OR6B3: variants seen among roughly 807,000 people sequenced by gnomAD.
OR6B3 encodes olfactory receptor 6B3.
For missense variants in OR6B3, 315 were observed against 427.4 expected (o/e 0.74, Z 2.32); for synonymous variants, 148 against 187.8 (o/e 0.79, Z 1.73).
chr2:240,048,969 G>T (rs1698225692), upstream of OR6B3, among the ~76,000 whole-genome samples: 1 of 152,210 alleles, frequency 6.6e-6, no homozygotes, highest in South Asian at 2.1e-4. Flanking sequence ...TCACCAGGGT[G>T]CCCAGAGAGC....
chr2:240,045,044 T>C, downstream of OR6B3: 1 of 1,526,330 alleles, frequency 6.6e-7, no homozygotes, highest in South Asian at 1.3e-5. Flanking sequence ...ATAAATGCGG[T>C]ACTACAATAA....
intron 1 of OR6B3, among the ~76,000 whole-genome samples, chr2:240,046,458 C>T (rs1698190746): frequency 6.6e-6 from 1 of 152,192 alleles, no homozygotes; most frequent in African/African-American, 2.4e-5. Flanking sequence ...GGGATGAGCC[C>T]TGACTGCCCC....
At chr2:240,051,151 C>T (rs7587455), upstream of OR6B3, among the ~76,000 whole-genome samples, 34,258 of 151,988 alleles carry the variant, frequency 0.23, 6,929 homozygotes, top group African/African-American at 0.54. Context: ...GAGCATGCAA[C>T]GCAATTTCAG....
At chr2:240,048,248 A>G (rs1003195819), upstream of OR6B3, among the ~76,000 whole-genome samples, 1 of 152,224 alleles carries the variant, frequency 6.6e-6, no homozygotes, top group African/African-American at 2.4e-5. Context: ...TTTAAACCAC[A>G]GTAGTATACG....
upstream of OR6B3, among the ~76,000 whole-genome samples, chr2:240,048,417 C>A (rs912533763): frequency 6.6e-6 from 1 of 152,096 alleles, no homozygotes; most frequent in African/African-American, 2.4e-5. Context: ...CACTGTCTCT[C>A]CTGGTTGCAC....
At chr2:240,048,699 C>T (rs536658622), upstream of OR6B3, among the ~76,000 whole-genome samples, 16 of 152,178 alleles carry the variant, frequency 1.1e-4, no homozygotes, top group Admixed American at 3.3e-4. Flanking sequence ...CAAACTAACA[C>T]GGTGCAGCAA....
At chr2:240,045,444 G>A (rs1574918368) in exon 2 of OR6B3, 3 of 1,614,196 alleles carry the variant, frequency 1.9e-6, no homozygotes, top group Non-Finnish European at 2.5e-6. Context: ...GGCCAGGAGT[G>A]GAAACACCAG....
At chr2:240,052,483 A>G in the OR6B3 span, among the ~76,000 whole-genome samples, 1 of 152,240 alleles carries the variant, frequency 6.6e-6, no homozygotes, top group African/African-American at 2.4e-5. This position sits in a 1 kb window ranked among gnomAD's most constrained non-coding sequence, Gnocchi z 4.5. Flanking sequence ...TAGAGAAAGT[A>G]TAGAAAGCCC....
upstream of OR6B3, among the ~76,000 whole-genome samples, chr2:240,050,974 C>T (rs889159291): frequency 6.6e-6 from 1 of 152,090 alleles, no homozygotes; most frequent in African/African-American, 2.4e-5. Context: ...AATGTTCAAT[C>T]TGTCTCCAAA....
chr2:240,045,257 C>G, exon 2 of OR6B3: 1 of 1,614,178 alleles, frequency 6.2e-7, no homozygotes, highest in Non-Finnish European at 8.5e-7. Flanking sequence ...CAGAGATGAG[C>G]TTGTTGGAGC....
upstream of OR6B3, among the ~76,000 whole-genome samples, chr2:240,048,551 G>A (rs1281348094): frequency 6.6e-6 from 1 of 152,176 alleles, no homozygotes; most frequent in Non-Finnish European, 1.5e-5. Context: ...TGGGCCGCAT[G>A]CTCCTGAGGA....
downstream of OR6B3, among the ~76,000 whole-genome samples, chr2:240,044,705 C>T (rs888052553): frequency 2.0e-5 from 3 of 152,244 alleles, no homozygotes; most frequent in Non-Finnish European, 4.4e-5. Context: ...CAGAAGGCTA[C>T]ATGCCCTTAC....
At chr2:240,049,859 G>T (rs1180751482), upstream of OR6B3, among the ~76,000 whole-genome samples, 1 of 151,934 alleles carries the variant, frequency 6.6e-6, no homozygotes, top group Non-Finnish European at 1.5e-5. Context: ...ATTGTAATAA[G>T]AAAAAAAGTG....
chr2:240,050,080 TA>T (rs56929241), upstream of OR6B3, among the ~76,000 whole-genome samples: 244 of 144,756 alleles, frequency 1.7e-3, 1 homozygote, highest in African/African-American at 4.7e-3. Context: ...ATGACTGGAG[TA>T]AAAAAAAAAA....
the OR6B3 span, among the ~76,000 whole-genome samples, chr2:240,052,744 G>A: frequency 6.6e-6 from 1 of 152,202 alleles, no homozygotes; most frequent in Non-Finnish European, 1.5e-5. This position sits in a 1 kb window ranked among gnomAD's most constrained non-coding sequence, Gnocchi z 4.5. Flanking sequence ...GGCCCGACAC[G>A]CATAGCCTGC....
chr2:240,051,230 C>T (rs78911405), upstream of OR6B3, among the ~76,000 whole-genome samples: 1,989 of 152,240 alleles, frequency 0.013, 22 homozygotes, highest in Non-Finnish European at 0.021. Flanking sequence ...GCGCTATTTA[C>T]CAAGCACCTA....
At chr2:240,048,770 C>T (rs1160936290), upstream of OR6B3, among the ~76,000 whole-genome samples, 1 of 152,242 alleles carries the variant, frequency 6.6e-6, no homozygotes, top group African/African-American at 2.4e-5. Flanking sequence ...CCTGCCCCCT[C>T]TTCTCTCTCC....
At chr2:240,050,339 T>A (rs1698240233), upstream of OR6B3, among the ~76,000 whole-genome samples, 1 of 152,202 alleles carries the variant, frequency 6.6e-6, no homozygotes, top group African/African-American at 2.4e-5. Context: ...AGACCCCAAA[T>A]GGTCTGTTTC....
chr2:240,050,332 C>A (rs911827690), upstream of OR6B3, among the ~76,000 whole-genome samples: 1 of 152,198 alleles, frequency 6.6e-6, no homozygotes, highest in Non-Finnish European at 1.5e-5. Flanking sequence ...AAATTTCAGA[C>A]CCCAAATGGT....
Sources: gnomAD v4.1 joint callset for allele counts (sites outside exome capture counted in the v4.1 genomes callset) on GRCh38, gnomAD v4.1.1 for gene constraint, Gnocchi (gnomAD v3.1) non-coding constraint, MANE v1.5 for transcripts, NCBI Gene and HGNC (gene_info 2026-07-23, HGNC 2026-07-21) for gene names.